The following IQGAP2 variants were observed in gnomAD, a reference collection of about 807,000 sequenced individuals.
IQGAP2 encodes the protein ras GTPase-activating-like protein IQGAP2.
A neutral mutation model predicts 201.3 loss-of-function variants in IQGAP2; 173 were observed. The ratio of observed to expected loss-of-function variants is 0.86; its 90% CI spans 0.76 to 0.98. The LOEUF is 0.98. Among genes scored for constraint, IQGAP2 ranks in the 50% least tolerant of loss-of-function variants. The pLI is 0.00. For missense variants in IQGAP2, 1,687 were observed against 1,864.8 expected (o/e 0.90, Z 1.76); for synonymous variants, 675 against 673.9 (o/e 1.00, Z -0.03).
intron 11 of IQGAP2, 38 bp downstream of exon 11, chr5:76,601,010 A>G: frequency 6.3e-7 from 1 of 1,593,128 alleles, no homozygotes; most frequent in Non-Finnish European, 8.6e-7. Context: ...CAATGCAGAA[A>G]TGCATGTTTG....
At chr5:76,608,584 C>G (rs912258173) in intron 12 of IQGAP2, among the ~76,000 whole-genome samples, 1 of 152,138 alleles carries the variant, frequency 6.6e-6, no homozygotes, top group Non-Finnish European at 1.5e-5. Context: ...CCACCTTATT[C>G]TTGCCACATG....
chr5:76,437,546 G>A (rs1393035221), intron 1 of IQGAP2, among the ~76,000 whole-genome samples: 1 of 151,952 alleles, frequency 6.6e-6, no homozygotes, highest in Non-Finnish European at 1.5e-5. Context: ...CCTCCCACAG[G>A]CCCCACCGTG....
At chr5:76,404,580 T>TTG (rs887592701) in intron 1 of IQGAP2, 41 of 755,612 alleles carry the variant, frequency 5.4e-5, no homozygotes, top group Middle Eastern at 6.4e-4. Context: ...GGTGTTTTGT[T>TTG]TGTGTGTGTG....
At chr5:76,419,328 A>G (rs1299422663) in intron 1 of IQGAP2, among the ~76,000 whole-genome samples, 1 of 131,994 alleles carries the variant, frequency 7.6e-6, no homozygotes, top group Non-Finnish European at 1.7e-5. Flanking sequence ...GGGTCTCACT[A>G]GGGTTTTTTG....
Position 76,575,735 on chromosome 5 carries a change from A to G in IQGAP2, c.424A>G (p.Ile142Val). 6.3e-7 allele frequency: 1 copy of G among 1,596,266 alleles called. No individual in the cohort carries two copies. Among genetic ancestry groups the G allele is most frequent in the Non-Finnish European group, 8.6e-7 (1 of 1,169,402 alleles). The change falls in exon 5 of 36, where the codon ATA (isoleucine) becomes GTA (valine). Residue 142 changes from isoleucine to valine, a missense_variant. Coordinates refer to ENST00000274364, the MANE Select transcript of IQGAP2 (RefSeq NM_006633.5). The part of the protein sequence containing the change: ...ETTDVYDRKN[I>V]PRMIYCIHAL... Reference sequence around the variant, plus strand: ...AACAGATGTCTATGATCGGAAAAACATACCAAGAATGATATATTGCATTCA... The same window carrying G: ...AACAGATGTCTATGATCGGAAAAACGTACCAAGAATGATATATTGCATTCA...
At chr5:76,511,509 T>G (rs1355884462) in intron 2 of IQGAP2, among the ~76,000 whole-genome samples, 7 of 152,218 alleles carry the variant, frequency 4.6e-5, no homozygotes, top group Non-Finnish European at 1.0e-4. Context: ...CCACTGCACC[T>G]GTAGCTGTGA....
At chr5:76,609,059 T>A in intron 12 of IQGAP2, 1 of 1,517,434 alleles carries the variant, frequency 6.6e-7, no homozygotes, top group Non-Finnish European at 8.8e-7. Flanking sequence ...TTCTGGGTAA[T>A]CTTTCAGCTC....
intron 2 of IQGAP2, among the ~76,000 whole-genome samples, chr5:76,559,504 A>C (rs938287245): frequency 2.0e-5 from 3 of 152,150 alleles, no homozygotes; most frequent in African/African-American, 7.2e-5. Flanking sequence ...GCCTAGCTTC[A>C]CGGGAAGGCC....
intron 1 of IQGAP2, among the ~76,000 whole-genome samples, chr5:76,431,745 C>T (rs1752378050): frequency 6.6e-6 from 1 of 151,080 alleles, no homozygotes; most frequent in African/African-American, 2.4e-5. Flanking sequence ...ATTGCTTGAA[C>T]CTGGGAGGCG....
intron 2 of IQGAP2, among the ~76,000 whole-genome samples, chr5:76,464,516 G>T (rs115024329): frequency 6.6e-6 from 1 of 152,186 alleles, no homozygotes; most frequent in Non-Finnish European, 1.5e-5. Flanking sequence ...CAGTTGAAAT[G>T]ACTTTATTGC....
At position 76,617,828 on chromosome 5, in the gene IQGAP2, A is replaced by G. The variant is rs1324449501; in HGVS notation, c.1521+6645A>G. 5 of 1,613,852 alleles carry G rather than the reference A, an allele frequency of 3.1e-6. No homozygotes were observed. The African/African-American group carries it at 4.0e-5, about 13-fold the overall frequency. ...CCTTAACATACCACAACCATCTATG[A>G]TCGTATGCATTAAGTGTCCGGATGA... On this transcript the variant is annotated intron_variant, in intron 13 of 35. Coordinates refer to ENST00000274364, the MANE Select transcript of IQGAP2 (RefSeq NM_006633.5).
At chr5:76,471,775 C>G (rs1755126966) in intron 2 of IQGAP2, among the ~76,000 whole-genome samples, 1 of 152,146 alleles carries the variant, frequency 6.6e-6, no homozygotes, top group South Asian at 2.1e-4. Context: ...CCTCTGCATG[C>G]TTGGACCTCA....
At chr5:76,567,797 G>A (rs1237446682) in intron 3 of IQGAP2, among the ~76,000 whole-genome samples, 2 of 152,136 alleles carry the variant, frequency 1.3e-5, no homozygotes, top group African/African-American at 4.8e-5. Context: ...TATGTAGAAT[G>A]TTAGCATCCA....
chr5:76,417,221 C>T (rs1002203349), intron 1 of IQGAP2, among the ~76,000 whole-genome samples: 2 of 152,068 alleles, frequency 1.3e-5, no homozygotes, highest in African/African-American at 4.8e-5. Context: ...AGTGTTGAAA[C>T]GGGTTTATCA....
chr5:76,631,723 CAT>C (rs1750722560), intron 14 of IQGAP2, 134 bp from the exon 15 acceptor site: 1 of 560,650 alleles, frequency 1.8e-6, no homozygotes, highest in Admixed American at 3.7e-5. Context: ...TTGTCTTGGG[CAT>C]ATGTGGTAAA....
At chr5:76,617,547 T>C (rs1749102323) in intron 13 of IQGAP2, 2 of 1,523,348 alleles carry the variant, frequency 1.3e-6, no homozygotes, top group Non-Finnish European at 8.9e-7. Flanking sequence ...AGACGTTCTC[T>C]GTGATGGCTG....
In IQGAP2 at chr5:76,702,920, A is replaced by G. The variant is rs933626084; in HGVS notation, c.4614+330A>G. On this transcript the variant is annotated intron_variant, in intron 35 of 35. Coordinates refer to ENST00000274364, the MANE Select transcript of IQGAP2 (RefSeq NM_006633.5). The stretch of plus-strand genomic sequence containing the variant: ...AATTTTCCTTTTATTGGAAACTTGC[A>G]TTTCTTTCTAAGACTATGTATGCCC... Among the ~76,000 whole-genome samples, 3 of 143,066 alleles carry G rather than the reference A, an allele frequency of 2.1e-5. No homozygotes were observed. The South Asian group carries it at 6.6e-4, about 31-fold the overall frequency. The allele number at this position is 143,066 out of a possible 152,430, so 93.9% of individuals were successfully genotyped here. A position where few individuals can be genotyped will look rare whatever the true frequency, so the allele number is the denominator to read the frequency against.
At position 76,574,877 on chromosome 5, in the gene IQGAP2, G is replaced by A. The variant is rs975105127; in HGVS notation, c.382-816G>A. The stretch of plus-strand genomic sequence containing the variant: ...GGGAAAAATTAGAAGCAAAACAAAT[G>A]TTCAACCATGGATTAACTGGCTAAG... On this transcript the variant is annotated intron_variant, in intron 4 of 35. Coordinates refer to ENST00000274364, the MANE Select transcript of IQGAP2 (RefSeq NM_006633.5). Among the ~76,000 whole-genome samples the A allele has an allele frequency of 3.9e-5, 6 of 152,146 alleles. No individual in the cohort carries two copies. In the East Asian group the frequency reaches 1.2e-3, roughly 29 times the overall value.
chr5:76,586,771 T>G (rs1746278555), intron 5 of IQGAP2, among the ~76,000 whole-genome samples: 1 of 152,252 alleles, frequency 6.6e-6, no homozygotes, highest in African/African-American at 2.4e-5. Flanking sequence ...ATAGCCAGCA[T>G]GCTGGCAGGT....
Sources: gnomAD v4.1 joint callset for allele counts (sites outside exome capture counted in the v4.1 genomes callset) on GRCh38, gnomAD v4.1.1 for gene constraint, MANE v1.5 for transcripts, NCBI Gene and HGNC (gene_info 2026-07-23, HGNC 2026-07-21) for gene names.